The following ATG7 variants were observed in gnomAD, a reference collection of about 807,000 sequenced individuals.
ATG7 encodes the protein autophagy related 7.
In ATG7, 70 loss-of-function variants were observed where a neutral mutation model predicts 82.4. That is an observed-to-expected ratio of 0.85 (90% CI 0.70 to 1.04). The LOEUF (loss-of-function observed/expected upper bound fraction) is 1.04. Among genes scored for constraint, ATG7 ranks in the 50% least tolerant of loss-of-function variants. ATG7 has a pLI of 0.00. For missense variants in ATG7, 792 were observed against 864.3 expected, an observed-to-expected ratio of 0.92 and a Z score of 1.05; for synonymous variants, 287 against 313.0, an observed-to-expected ratio of 0.92 and a Z score of 0.88.
intron 11 of ATG7, among the ~76,000 whole-genome samples, chr3:11,339,267 G>A (rs967659424): frequency 1.3e-4 from 18 of 143,110 alleles, no homozygotes; most frequent in African/African-American, 4.7e-4. Flanking sequence ...CTGCACTCCA[G>A]CCTGGGCGAC....
intron 19 of ATG7, among the ~76,000 whole-genome samples, chr3:11,399,862 G>C (rs1349486791): frequency 1.3e-5 from 2 of 152,200 alleles, no homozygotes; most frequent in African/African-American, 4.8e-5. Context: ...GTGAGCCACA[G>C]TGCCTGGCGT....
At chr3:11,406,559 C>T (rs562124266) in intron 19 of ATG7, among the ~76,000 whole-genome samples, 5 of 152,286 alleles carry the variant, frequency 3.3e-5, no homozygotes, top group South Asian at 2.1e-4. Flanking sequence ...CCTCTTGCCT[C>T]GGCCTCTGTA....
At chr3:11,358,304 G>A in intron 14 of ATG7, 114 bp from the exon 15 acceptor site, 1 of 1,012,948 alleles carries the variant, frequency 9.9e-7, no homozygotes. Context: ...TAGTGCACAG[G>A]GAGCTCTCAT....
At chr3:11,333,961 G>A (rs1952015512) in intron 11 of ATG7, among the ~76,000 whole-genome samples, 1 of 151,948 alleles carries the variant, frequency 6.6e-6, no homozygotes, top group Non-Finnish European at 1.5e-5. Context: ...GTGTTATCCA[G>A]GATGGTCTCC....
chr3:11,401,567 A>T (rs754067968), intron 19 of ATG7, among the ~76,000 whole-genome samples: 3 of 152,248 alleles, frequency 2.0e-5, no homozygotes, highest in African/African-American at 7.2e-5. Context: ...AGTCCACTTC[A>T]TGCTCAGCTT....
chr3:11,278,125 G>A (rs79551744), intron 1 of ATG7, among the ~76,000 whole-genome samples: 3 of 152,054 alleles, frequency 2.0e-5, no homozygotes, highest in Non-Finnish European at 4.4e-5. Context: ...AAGGTGCACT[G>A]ATTTCATATT....
rs573948207 is a variant in ATG7, at chr3:11,427,790, G to A, written c.2079+864G>A. Among the ~76,000 whole-genome samples, 166 of 149,914 alleles carry A rather than the reference G, an allele frequency of 1.1e-3. 1 individual carries two copies. The highest frequency in any genetic ancestry group is 3.9e-3 in the African/African-American group (160 of 40,654). On this transcript the variant is annotated intron_variant, in intron 20 of 20. Transcript: ENST00000693202. Reference sequence around the variant, plus strand: ...AGATTGTGCCACTGCACTCCAGTCCGGGCGACGGTGCGAGACTCCGTCTCA... The same window carrying A: ...AGATTGTGCCACTGCACTCCAGTCCAGGCGACGGTGCGAGACTCCGTCTCA...
intron 20 of ATG7, among the ~76,000 whole-genome samples, chr3:11,432,828 A>G (rs2083025523): frequency 6.6e-6 from 1 of 152,078 alleles, no homozygotes; most frequent in African/African-American, 2.4e-5. Context: ...TTTACTTCCA[A>G]GGCCTTTACT....
intron 20 of ATG7, among the ~76,000 whole-genome samples, chr3:11,439,307 G>C (rs1052449238): frequency 6.6e-6 from 1 of 151,986 alleles, no homozygotes; most frequent in Admixed American, 6.6e-5. Context: ...TACCTCAAAT[G>C]ATCTGCCCGT....
intron 6 of ATG7, chr3:11,308,371 C>G (rs370932803): frequency 1.8e-4 from 27 of 152,496 alleles, no homozygotes; most frequent in Middle Eastern, 6.8e-3. Context: ...GAAGTTTGTT[C>G]TTCTTTCTTC....
intron 20 of ATG7, among the ~76,000 whole-genome samples, chr3:11,481,382 T>A (rs1392842917): frequency 6.6e-6 from 1 of 152,224 alleles, no homozygotes; most frequent in Non-Finnish European, 1.5e-5. Context: ...AAAGTCAAGG[T>A]GAACTATGTA....
chr3:11,399,051 T>A (rs2079562037), intron 19 of ATG7, among the ~76,000 whole-genome samples: 1 of 152,262 alleles, frequency 6.6e-6, no homozygotes, highest in Non-Finnish European at 1.5e-5. Flanking sequence ...ATTGAATTTT[T>A]AAAAATCAGA....
intron 20 of ATG7, among the ~76,000 whole-genome samples, chr3:11,494,018 C>T (rs2090613061): frequency 6.6e-6 from 1 of 152,178 alleles, no homozygotes; most frequent in Non-Finnish European, 1.5e-5. Flanking sequence ...ACCAATATCC[C>T]ATCCTCAAAT....
downstream of ATG7, chr3:11,558,722 G>A: frequency 6.2e-7 from 1 of 1,614,178 alleles, no homozygotes; most frequent in Non-Finnish European, 8.5e-7. Context: ...GTCGTCCACG[G>A]AGCCCGTGAT....
At chr3:11,449,065 A>G (rs2084855624) in intron 20 of ATG7, among the ~76,000 whole-genome samples, 1 of 152,214 alleles carries the variant, frequency 6.6e-6, no homozygotes. Flanking sequence ...TACAAATGGG[A>G]GGGAGATGAG....
chr3:11,341,757 G>T (rs1450196085), intron 12 of ATG7, among the ~76,000 whole-genome samples: 1 of 152,184 alleles, frequency 6.6e-6, no homozygotes, highest in Non-Finnish European at 1.5e-5. Flanking sequence ...CTGAGCGCAG[G>T]AGATATGGGA....
At chr3:11,572,601 G>A in the ATG7 span, among the ~76,000 whole-genome samples, 3 of 152,232 alleles carry the variant, frequency 2.0e-5, no homozygotes, top group African/African-American at 2.4e-5. Flanking sequence ...CTACCTGACT[G>A]TCGTCCTCTT....
chr3:11,449,662 T>A (rs1559648036), intron 20 of ATG7, among the ~76,000 whole-genome samples: 1 of 152,218 alleles, frequency 6.6e-6, no homozygotes. Flanking sequence ...CGTGTGTATT[T>A]GGATCACCAG....
At chr3:11,557,802 T>C (rs904918160), downstream of ATG7, 1 of 152,630 alleles carries the variant, frequency 6.6e-6, no homozygotes, top group African/African-American at 2.4e-5. Context: ...CAAACTGCAG[T>C]GTTCAGAGAA....
Sources: allele counts gnomAD v4.1 joint callset (sites outside exome capture counted in the v4.1 genomes callset), GRCh38; gene constraint gnomAD v4.1.1; transcripts MANE v1.5; gene names NCBI Gene and HGNC (gene_info 2026-07-23, HGNC 2026-07-21).